NR5A2: variants seen among roughly 807,000 people sequenced by gnomAD.
NR5A2 encodes CYP7A promoter-binding factor.
In NR5A2, 26 loss-of-function variants were observed where a neutral mutation model predicts 62.7. The ratio of observed to expected loss-of-function variants is 0.41; its 90% CI spans 0.30 to 0.58. The LOEUF (loss-of-function observed/expected upper bound fraction) is 0.58, where lower values mean the gene tolerates loss of function less well. Ranked by LOEUF, NR5A2 falls within the 20% of genes least tolerant of loss-of-function variation. The probability of loss-of-function intolerance (pLI) is 0.22; values close to 1 mark genes in which losing one functional copy is unlikely to be tolerated. For synonymous variants in NR5A2, 246 were observed against 241.7 expected (o/e 1.02, Z -0.16); for missense variants, 541 against 669.1 (o/e 0.81, Z 2.11).
At chr1:200,098,762 G>A (rs145283446) in intron 5 of NR5A2, among the ~76,000 whole-genome samples, 2 of 152,258 alleles carry the variant, frequency 1.3e-5, no homozygotes, top group Non-Finnish European at 2.9e-5. Flanking sequence ...ACAGGATGGG[G>A]GTGTCCCCAG....
intron 7 of NR5A2, among the ~76,000 whole-genome samples, chr1:200,156,971 G>T (rs1653419264): frequency 6.6e-6 from 1 of 152,088 alleles, no homozygotes; most frequent in African/African-American, 2.4e-5. Flanking sequence ...TCTTAACAGA[G>T]CCGCTCTCTG....
chr1:200,041,193 CTTG>C (rs763119041), intron 2 of NR5A2, among the ~76,000 whole-genome samples: 1 of 152,170 alleles, frequency 6.6e-6, no homozygotes. Flanking sequence ...GTTTCTGCTT[CTTG>C]TTCTGGCGCG....
chr1:200,132,063 G>A (rs1249517227), intron 7 of NR5A2, among the ~76,000 whole-genome samples: 1 of 152,154 alleles, frequency 6.6e-6, no homozygotes, highest in East Asian at 1.9e-4. Flanking sequence ...CAGCTGGAGT[G>A]CAGTGGTGCA....
At chr1:200,114,967 T>C (rs772427482) in intron 6 of NR5A2, among the ~76,000 whole-genome samples, 1 of 152,252 alleles carries the variant, frequency 6.6e-6, no homozygotes, top group Non-Finnish European at 1.5e-5. Flanking sequence ...TTCCAGTGCA[T>C]GACAGACTCT....
chr1:200,077,578 G>C (rs1488092440), intron 5 of NR5A2, among the ~76,000 whole-genome samples: 1 of 152,166 alleles, frequency 6.6e-6, no homozygotes, highest in Non-Finnish European at 1.5e-5. Flanking sequence ...GCCAGGCATG[G>C]TGGTGGGTGC....
chr1:200,113,230 A>ACC lies in NR5A2; in HGVS notation c.1230+1910_1230+1911insCC, dbSNP rs1666045186. 2.7e-5 allele frequency among the ~76,000 whole-genome samples: 4 copies of ACC among 148,062 alleles called. No individual in the cohort carries two copies. The South Asian group carries it at 8.7e-4, about 32-fold the overall frequency. On this transcript the variant is annotated intron_variant, in intron 6 of 7. Transcript: ENST00000367362. ...CTGGATTCTTCCAGCTCCCCTCCCC[A>ACC]CTCTTTAAATATGTTTCCTGCAGCC...
At chr1:200,148,906 CTTTT>C (rs573219003) in intron 7 of NR5A2, among the ~76,000 whole-genome samples, 4 of 125,260 alleles carry the variant, frequency 3.2e-5, no homozygotes, top group African/African-American at 8.8e-5. Flanking sequence ...GCATGCGGTA[CTTTT>C]TTTTTTTTTT....
intron 5 of NR5A2, among the ~76,000 whole-genome samples, chr1:200,074,409 A>C (rs1470787973): frequency 6.8e-6 from 1 of 147,170 alleles, no homozygotes; most frequent in Non-Finnish European, 1.5e-5. Flanking sequence ...AAGAAAAGAA[A>C]AAAAAAAGAA....
intron 7 of NR5A2, among the ~76,000 whole-genome samples, chr1:200,160,744 A>G (rs900640593): frequency 2.6e-5 from 4 of 151,614 alleles, no homozygotes; most frequent in African/African-American, 9.7e-5. Context: ...GACATCTAGT[A>G]TGGGCTAAAT....
At chr1:200,162,729 A>G (rs1438519816) in intron 7 of NR5A2, among the ~76,000 whole-genome samples, 1 of 152,174 alleles carries the variant, frequency 6.6e-6, no homozygotes, top group Non-Finnish European at 1.5e-5. Context: ...ATTGGAAAAG[A>G]AGAGGAGAGG....
rs1456172006 is a variant in NR5A2 at position 200,175,432 on chromosome 1, G to T, written c.*1222G>T. Reference sequence around the variant, plus strand: ...TGACCTTTTTAAGTCATAGACCAAAGTCTGCTGTAGAACAAATATGGGAGG... The same window carrying T: ...TGACCTTTTTAAGTCATAGACCAAATTCTGCTGTAGAACAAATATGGGAGG... On this transcript the variant is annotated 3_prime_UTR_variant, in exon 8 of 8. Transcript: ENST00000367362. The T allele has an allele frequency of 6.6e-6, 1 of 152,634 alleles. No individual in the cohort carries two copies. Among genetic ancestry groups the T allele is most frequent in the Non-Finnish European group, 1.5e-5 (1 of 68,036 alleles). The allele number at this position is 152,634 out of a possible 1,614,324, so 9.5% of individuals were successfully genotyped here. A position where few individuals can be genotyped will look rare whatever the true frequency, so the allele number is the denominator to read the frequency against.
intron 5 of NR5A2, among the ~76,000 whole-genome samples, chr1:200,053,688 C>G (rs1285055492): frequency 1.3e-5 from 2 of 152,022 alleles, no homozygotes; most frequent in East Asian, 3.9e-4. Context: ...TTATCAGAAG[C>G]CCATCACTAC....
chr1:200,143,085 A>G (rs1343015935), intron 7 of NR5A2, among the ~76,000 whole-genome samples: 1 of 152,058 alleles, frequency 6.6e-6, no homozygotes, highest in Non-Finnish European at 1.5e-5. Context: ...TTAGTTGCAG[A>G]CTTACTTTGA....
chr1:200,043,948 G>T (rs1186066971), intron 3 of NR5A2, 56 bp downstream of exon 3: 30 of 1,127,828 alleles, frequency 2.7e-5, no homozygotes, highest in Non-Finnish European at 4.0e-5. Flanking sequence ...AAATAAACCA[G>T]TGGATTACTT....
intron 5 of NR5A2, among the ~76,000 whole-genome samples, chr1:200,107,717 G>A (rs886924778): frequency 6.6e-6 from 1 of 151,956 alleles, no homozygotes; most frequent in Admixed American, 6.6e-5. Flanking sequence ...TCGGCTCACT[G>A]CAACCTCTGC....
rs752316788 is a variant in NR5A2 at position 200,045,445 on chromosome 1, A to C, written c.324A>C (p.Gly108=). The part of the protein sequence containing the change: ...YGLLTCESCK[G]FFKRTVQNNK... ...TCACTATTTTCTCTGTCTTATAGGG[A>C]TTTTTTAAGCGAACAGTCCAAAATA... The change falls in exon 4 of 8, where the codon GGA becomes GGC. Residue 108 remains glycine, a splice_region_variant and synonymous_variant. Coordinates refer to ENST00000367362, the MANE Select transcript of NR5A2 (RefSeq NM_205860.3). 6.3e-7 allele frequency: 1 copy of C among 1,598,552 alleles called. No individual in the cohort carries two copies. The highest frequency in any genetic ancestry group is 8.5e-7 in the Non-Finnish European group (1 of 1,174,580).
At chr1:200,173,936 C>CTTTTTTTTTTTT (rs3034024) in intron 7 of NR5A2, 27 bp from the exon 8 acceptor site, 5 of 1,006,498 alleles carry the variant, frequency 5.0e-6, no homozygotes, top group Non-Finnish European at 3.9e-6. Flanking sequence ...TGAAATGTTG[C>CTTTTTTTTTTTT]TTTTTTTTTT....
chr1:200,055,093 C>G (rs554251319), intron 5 of NR5A2, among the ~76,000 whole-genome samples: 2 of 152,002 alleles, frequency 1.3e-5, no homozygotes, highest in Non-Finnish European at 2.9e-5. Flanking sequence ...TGGGATCTTG[C>G]GACGTTGCCC....
chr1:200,173,860 T>C (rs1654294417), intron 7 of NR5A2, 103 bp from the exon 8 acceptor site: 1 of 1,208,604 alleles, frequency 8.3e-7, no homozygotes, highest in South Asian at 2.1e-5. Flanking sequence ...AGTATGTTTA[T>C]GTCAAAAGGA....
Sources: allele counts gnomAD v4.1 joint callset (sites outside exome capture counted in the v4.1 genomes callset), GRCh38; gene constraint gnomAD v4.1.1; transcripts MANE v1.5; gene names NCBI Gene and HGNC (gene_info 2026-07-23, HGNC 2026-07-21).